The following KCNH2 variants were observed in gnomAD, a reference collection of about 807,000 sequenced individuals.
KCNH2 encodes voltage-gated inwardly rectifying potassium channel KCNH2.
Under a neutral mutation model 95.9 loss-of-function variants are expected in KCNH2, and 35 were observed. The observed-to-expected ratio is 0.37, with a 90% CI of 0.28 to 0.48. KCNH2 has a LOEUF of 0.48. Ranked by LOEUF, KCNH2 falls within the 20% of genes least tolerant of loss-of-function variation. The pLI, the probability that KCNH2 is intolerant of heterozygous loss-of-function variation, is 0.99. For missense variants in KCNH2, 1,274 were observed against 1,702.9 expected, an observed-to-expected ratio of 0.75 and a Z score of 4.43; for synonymous variants, 786 against 754.7, an observed-to-expected ratio of 1.04 and a Z score of -0.68.
intron 2 of KCNH2, among the ~76,000 whole-genome samples, chr7:150,964,990 G>A (rs1478813322): frequency 6.6e-6 from 1 of 152,172 alleles, no homozygotes; most frequent in Non-Finnish European, 1.5e-5. Context: ...ACAGAGTTAG[G>A]GAGCCCAAGA....
chr7:150,966,613 G>A (rs1318331766), intron 2 of KCNH2, among the ~76,000 whole-genome samples: 2 of 151,946 alleles, frequency 1.3e-5, no homozygotes, highest in Non-Finnish European at 2.9e-5. Flanking sequence ...TTAGATCAGA[G>A]AGTTCAGCAA....
At position 150,974,704 on chromosome 7, in the gene KCNH2, C is replaced by G. The variant is rs886633820; in HGVS notation, c.307+7G>C. Reference sequence around the variant, plus strand: ...CTGGTCGTGGCCCCGCCCCGGCCCGCTCCTACCATCTTTCCGGTAGAAGGC... The same window carrying G: ...CTGGTCGTGGCCCCGCCCCGGCCCGGTCCTACCATCTTTCCGGTAGAAGGC... On this transcript the variant is annotated splice_region_variant and intron_variant, in intron 2 of 14. Transcript: ENST00000262186. The G allele has an allele frequency of 6.3e-7, 1 of 1,585,056 alleles. No homozygotes were observed.
At chr7:150,977,433 T>C (rs753066520) in intron 1 of KCNH2, among the ~76,000 whole-genome samples, 15 of 152,282 alleles carry the variant, frequency 9.9e-5, no homozygotes, top group South Asian at 4.1e-4. Flanking sequence ...GCAAGACCAG[T>C]GTGCGCGCTG....
intron 1 of KCNH2, among the ~76,000 whole-genome samples, chr7:150,976,516 C>A (rs1457367129): frequency 2.0e-5 from 3 of 152,166 alleles, no homozygotes; most frequent in Admixed American, 2.0e-4. Context: ...AGAAAAACCA[C>A]CCCTTGTCCT....
rs1563176082 is a variant in KCNH2, at chr7:150,962,167, C to G, written c.308-2431G>C. On this transcript the variant is annotated intron_variant, in intron 2 of 14. Coordinates refer to ENST00000262186, the MANE Select transcript of KCNH2 (RefSeq NM_000238.4). This position sits in a 1 kb window ranked among gnomAD's most constrained non-coding sequence, Gnocchi z 5.7. Reference sequence around the variant, plus strand: ...ACCATTTGGCACCCAGACAGCCTGCCTGGAGTTTATGCCCTAATATGGTGA... The same window carrying G: ...ACCATTTGGCACCCAGACAGCCTGCGTGGAGTTTATGCCCTAATATGGTGA... 6.6e-6 allele frequency among the ~76,000 whole-genome samples: 1 copy of G among 152,236 alleles called. No homozygotes were observed. Among genetic ancestry groups the G allele is most frequent in the Non-Finnish European group, 1.5e-5 (1 of 68,048 alleles).
chr7:150,949,408 ATTTTTTTTTTT>A (rs1035990140), intron 9 of KCNH2: 1 of 375,394 alleles, frequency 2.7e-6, no homozygotes, highest in Non-Finnish European at 3.5e-6. Flanking sequence ...CAAAACCAGC[ATTTTTTTTTTT>A]TTTTTTTTTT....
chr7:150,976,262 G>A (rs776021681), intron 1 of KCNH2, among the ~76,000 whole-genome samples: 19 of 152,110 alleles, frequency 1.2e-4, no homozygotes, highest in Non-Finnish European at 2.4e-4. Flanking sequence ...GATAGGCCCA[G>A]GCCATCAGGA....
rs767891857 is a variant in KCNH2, at chr7:150,952,707, T to G, written c.1275A>C (p.Thr425=). The change falls in exon 6 of 15, where the codon ACA becomes ACC. Residue 425 remains threonine, a synonymous_variant. Transcript: ENST00000262186. This position sits in a 1 kb window ranked among gnomAD's most constrained non-coding sequence, Gnocchi z 7.3. ...LLLVIYTAVF[T]PYSAAFLLKE... ...TCAGCAGGAAGGCAGCCGAGTAGGG[T>G]GTGAAGACAGCCGTGTAGATGACCA... The G allele has an allele frequency of 6.2e-7, 1 of 1,613,440 alleles. No individual in the cohort carries two copies. Among genetic ancestry groups the G allele is most frequent in the Non-Finnish European group, 8.5e-7 (1 of 1,179,854 alleles).
In KCNH2 at chr7:150,958,355, C is replaced by T; in HGVS notation, c.620G>A (p.Ser207Asn). 6.7e-7 allele frequency: 1 copy of T among 1,486,222 alleles called. No individual in the cohort carries two copies. Among genetic ancestry groups the T allele is most frequent in the Non-Finnish European group, 8.9e-7 (1 of 1,125,706 alleles). 92.1% of individuals were successfully genotyped at this position (1,486,222 alleles called of 1,614,324 possible). A position where few individuals can be genotyped will look rare whatever the true frequency, so the allele number is the denominator to read the frequency against. Residue 207 changes from serine (S) to asparagine (N), a missense_variant, in exon 4 of 15, where the codon AGC becomes AAC. By Grantham distance (46) the Ser-to-Asn change is conservative (BLOSUM62 1). This residue lies in a region of KCNH2 where 392 missense variants were observed against 429.9 expected (regional missense o/e 0.91). Coordinates refer to ENST00000262186, the MANE Select transcript of KCNH2 (RefSeq NM_000238.4). Reference protein sequence around the residue: ...DVDLTPAAPSSESLALDEVTA... With the variant: ...DVDLTPAAPSNESLALDEVTA... ...CACTTCGTCCAGGGCCAGCGACTCG[C>T]TGCTGGGTGCCGCGGGCGTCAGGTC...
At chr7:150,955,878 C>T (rs1329748387) in intron 5 of KCNH2, 13 of 1,004,198 alleles carry the variant, frequency 1.3e-5, no homozygotes, top group African/African-American at 1.0e-4. Context: ...TAGGCTCCCC[C>T]GCCCCGCCGG....
At chr7:150,968,403 C>G (rs1252287848) in intron 2 of KCNH2, among the ~76,000 whole-genome samples, 2 of 152,226 alleles carry the variant, frequency 1.3e-5, no homozygotes, top group Non-Finnish European at 2.9e-5. Flanking sequence ...CCGCATGCCA[C>G]TGAATACGCA....
In KCNH2 at chr7:150,957,403, T is replaced by A; in HGVS notation, c.1016A>T (p.Asn339Ile). 6.2e-7 allele frequency: 1 copy of A among 1,614,072 alleles called. No homozygotes were observed. Among genetic ancestry groups the A allele is most frequent in the Non-Finnish European group, 8.5e-7 (1 of 1,179,940 alleles). Residue 339 changes from asparagine (N) to isoleucine (I), a missense_variant, in exon 5 of 15, where the codon AAC (asparagine) becomes ATC (isoleucine). By Grantham distance (149) the Asn-to-Ile change is moderately radical. This residue lies in a region of KCNH2 where 392 missense variants were observed against 429.9 expected (regional missense o/e 0.91). Transcript: ENST00000262186. ...GGGGTCGCCCTTGAGGTCCACAAAG[T>A]TGAGGGTGATTTGGGGAATCTTGCT... is the stretch of plus-strand genomic sequence containing the variant. ...TISKIPQITL[N>I]FVDLKGDPFL... is the part of the protein sequence containing the mutation.
intron 2 of KCNH2, 123 bp downstream of exon 2, chr7:150,974,588 C>G (rs1336712344): frequency 1.2e-6 from 1 of 850,760 alleles, no homozygotes; most frequent in African/African-American, 1.7e-5. Flanking sequence ...GAACCCTGCC[C>G]GGGCTCGGGG....
At chr7:150,956,905 T>C (rs1355326115) in intron 5 of KCNH2, among the ~76,000 whole-genome samples, 3 of 152,054 alleles carry the variant, frequency 2.0e-5, no homozygotes, top group Non-Finnish European at 2.9e-5. Flanking sequence ...CCCCTAGTAC[T>C]TCCTTCACAC....
Position 150,951,574 on chromosome 7 carries a change from T to C in KCNH2, c.1819A>G (p.Ile607Val). 1.9e-6 allele frequency: 3 copies of C among 1,614,178 alleles called. No individual in the cohort carries two copies. The highest frequency in any genetic ancestry group is 4.5e-5 in the East Asian group (2 of 44,856). Reference sequence around the variant, plus strand: ...AGCGCCGTCACATACTTGTCCTTGATGGAGGGGCCGCCCAGGCCGCTGCTG... The same window carrying C: ...AGCGCCGTCACATACTTGTCCTTGACGGAGGGGCCGCCCAGGCCGCTGCTG... Reference protein sequence around the residue: ...YNSSGLGGPSIKDKYVTALYF... With the variant: ...YNSSGLGGPSVKDKYVTALYF... The change falls in exon 7 of 15, where the codon ATC (isoleucine) becomes GTC (valine). Residue 607 changes from isoleucine to valine, a missense_variant. This residue lies in a region of KCNH2 where 147 missense variants were observed against 344.4 expected (regional missense o/e 0.43). Transcript: ENST00000262186.
intron 11 of KCNH2, 53 bp downstream of exon 11, chr7:150,948,391 T>C: frequency 7.0e-7 from 1 of 1,427,480 alleles, no homozygotes. Context: ...GCCTTCCAGC[T>C]CCCAGCCTCA....
At position 150,950,056 on chromosome 7, in the gene KCNH2, C is replaced by A. The variant is rs771057684; in HGVS notation, c.2398+112G>T. Reference sequence around the variant, plus strand: ...TAGGTGAATTAAAGGAGCCCAGTGACCCTGCAGGCAGTCCCAGGTCCACAG... The same window carrying A: ...TAGGTGAATTAAAGGAGCCCAGTGAACCTGCAGGCAGTCCCAGGTCCACAG... On this transcript the variant is annotated intron_variant, in intron 9 of 14. Coordinates refer to ENST00000262186, the MANE Select transcript of KCNH2 (RefSeq NM_000238.4). The A allele has an allele frequency of 3.5e-5, 57 of 1,611,320 alleles. No homozygotes were observed. Among genetic ancestry groups the A allele is most frequent in the Non-Finnish European group, 4.6e-5 (54 of 1,179,036 alleles).
chr7:150,951,445 C>G lies in KCNH2; in HGVS notation c.1945+3G>C. The G allele has an allele frequency of 6.2e-7, 1 of 1,613,998 alleles. No individual in the cohort carries two copies. Among genetic ancestry groups the G allele is most frequent in the Non-Finnish European group, 8.5e-7 (1 of 1,180,040 alleles). ...CCCGCCGCCCGCCCCTGGGCACACT[C>G]ACAGCCAATGAGCATGACGCAGATG... On this transcript the variant is annotated splice_donor_region_variant and intron_variant, in intron 7 of 14. Coordinates refer to ENST00000262186, the MANE Select transcript of KCNH2 (RefSeq NM_000238.4).
chr7:150,956,714 GA>G (rs1225317755), intron 5 of KCNH2, among the ~76,000 whole-genome samples: 2 of 152,162 alleles, frequency 1.3e-5, no homozygotes, highest in African/African-American at 4.8e-5. Flanking sequence ...CCTATGAGAA[GA>G]AAACTTGCTT....
Sources: allele counts gnomAD v4.1 joint callset (sites outside exome capture counted in the v4.1 genomes callset), GRCh38; gene constraint gnomAD v4.1.1; regional missense constraint gnomAD v4.1.1; non-coding constraint Gnocchi (gnomAD v3.1); transcripts MANE v1.5; gene names NCBI Gene and HGNC (gene_info 2026-07-23, HGNC 2026-07-21).